Variants in ABCC6 observed in about 807,000 individuals in gnomAD.
The protein encoded by ABCC6 is ATP binding cassette subfamily C member 6.
ABCC6 carries 126 observed loss-of-function variants against 169.5 expected under a neutral mutation model. The ratio of observed to expected loss-of-function variants is 0.74; its 90% CI spans 0.64 to 0.86. ABCC6 has a LOEUF of 0.86. Ranked by LOEUF, ABCC6 falls within the 40% of genes least tolerant of loss-of-function variation. The pLI is 0.00. For synonymous variants in ABCC6, 752 were observed against 814.7 expected (o/e 0.92, Z 1.31); for missense variants, 1,733 against 1,927.2 (o/e 0.90, Z 1.89).
chr16:16,172,745 A>G (rs2047156877), intron 21 of ABCC6, among the ~76,000 whole-genome samples: 1 of 152,118 alleles, frequency 6.6e-6, no homozygotes, highest in Non-Finnish European at 1.5e-5. Context: ...TTAACTGTTT[A>G]AGACTTCAGT....
chr16:16,169,979 C>T, intron 21 of ABCC6, 126 bp from the exon 22 acceptor site: 1 of 995,312 alleles, frequency 1.0e-6, no homozygotes, highest in Non-Finnish European at 1.5e-6. Flanking sequence ...GCAGACCTCA[C>T]TGGTTCTCCC....
chr16:16,170,282 A>T (rs1407209152), intron 21 of ABCC6, among the ~76,000 whole-genome samples: 4 of 151,818 alleles, frequency 2.6e-5, no homozygotes, highest in Admixed American at 1.3e-4. Flanking sequence ...CATAGTTTTA[A>T]AGAGATGGAA....
intron 10 of ABCC6, among the ~76,000 whole-genome samples, chr16:16,194,058 G>GGGGGTTGTTGT (rs1399594117): frequency 6.6e-6 from 1 of 152,204 alleles, no homozygotes; most frequent in Non-Finnish European, 1.5e-5. Context: ...GAGTGGGACT[G>GGGGGTTGTTGT]GGGGGTGTTC....
intron 17 of ABCC6, among the ~76,000 whole-genome samples, chr16:16,180,083 G>A (rs1287676629): frequency 6.6e-6 from 1 of 152,160 alleles, no homozygotes; most frequent in Non-Finnish European, 1.5e-5. Flanking sequence ...GTGCTCCTAT[G>A]AGAATCTAAT....
chr16:16,187,027 C>T, intron 14 of ABCC6, 97 bp downstream of exon 14: 2 of 1,089,942 alleles, frequency 1.8e-6, no homozygotes, highest in South Asian at 1.3e-5. Context: ...CAGCCCCCAT[C>T]TCCCCCCAGT....
intron 11 of ABCC6, among the ~76,000 whole-genome samples, chr16:16,191,887 G>C (rs924754651): frequency 1.4e-4 from 21 of 151,976 alleles, no homozygotes; most frequent in African/African-American, 4.8e-4. Flanking sequence ...GCACTAACTA[G>C]ATGCCGAGTT....
chr16:16,200,928 C>G (rs2048216149), intron 9 of ABCC6, among the ~76,000 whole-genome samples: 1 of 151,776 alleles, frequency 6.6e-6, no homozygotes, highest in East Asian at 1.9e-4. Context: ...AGTCAATGGA[C>G]AGAACTTCCA....
At chr16:16,198,274 A>G in intron 9 of ABCC6, 92 bp from the exon 10 acceptor site, 1 of 1,399,396 alleles carries the variant, frequency 7.1e-7, no homozygotes, top group Non-Finnish European at 9.8e-7. Context: ...GCCCCACCTC[A>G]CACGTCTGCG....
chr16:16,192,952 G>A (rs765926191), intron 10 of ABCC6, 30 bp from the exon 11 acceptor site: 59 of 1,590,918 alleles, frequency 3.7e-5, no homozygotes, highest in Non-Finnish European at 5.1e-5. Flanking sequence ...GATGTCAGGA[G>A]ATCCCGAGGA....
intron 4 of ABCC6, among the ~76,000 whole-genome samples, chr16:16,218,012 C>T (rs905170666): frequency 3.3e-5 from 5 of 152,188 alleles, no homozygotes; most frequent in Admixed American, 1.3e-4. Flanking sequence ...ATCGATTGAA[C>T]CCGGAGGTGG....
At chr16:16,187,364 C>T (rs558483207) in intron 13 of ABCC6, among the ~76,000 whole-genome samples, 153 bp from the exon 14 acceptor site, 2 of 152,326 alleles carry the variant, frequency 1.3e-5, no homozygotes, top group African/African-American at 2.4e-5. Flanking sequence ...TCATGGGAAA[C>T]GATGCAACCC....
intron 4 of ABCC6, among the ~76,000 whole-genome samples, chr16:16,217,718 C>T (rs1205664737): frequency 6.6e-6 from 1 of 152,326 alleles, no homozygotes; most frequent in East Asian, 1.9e-4. Flanking sequence ...CTTATGTCAA[C>T]TGTGGGAGCC....
rs780107077 is a variant in ABCC6 at position 16,163,094 on chromosome 16, T to C, written c.3405A>G (p.Thr1135=). The C allele has an allele frequency of 7.4e-6, 12 of 1,613,768 alleles. No homozygotes were observed. Among genetic ancestry groups the C allele is most frequent in the South Asian group, 5.5e-5 (5 of 91,092 alleles). ...SHMAETFQGS[T]VVRAFRTQAP... is the part of the protein sequence containing the mutation. ...CCTGGGTTCGGAATGCCCGGACCAC[T>C]GTGCTGCCCTGGAACGTCTCAGCCA... The change falls in exon 24 of 31, where the codon ACA becomes ACG. Residue 1135 remains threonine (T), a synonymous_variant. Coordinates refer to ENST00000205557, the MANE Select transcript of ABCC6 (RefSeq NM_001171.6).
intron 10 of ABCC6, 59 bp from the exon 11 acceptor site, chr16:16,192,981 C>T: frequency 1.4e-6 from 2 of 1,457,286 alleles, no homozygotes; most frequent in South Asian, 1.2e-5. Flanking sequence ...CTCAGAGGCA[C>T]GTGAACCAGA....
rs1449312930 is a variant in ABCC6 at position 16,188,882 on chromosome 16, G to A, written c.1728C>T (p.Ile576=). 5 of 1,614,152 alleles carry A rather than the reference G, an allele frequency of 3.1e-6. No homozygotes were observed. The highest frequency in any genetic ancestry group is 2.7e-5 in the African/African-American group (2 of 75,064). ...KAFVTLTVLN[I]LNKAQAFLPF... Reference sequence around the variant, plus strand: ...GCAGGAAAGCCTGGGCCTTGTTGAGGATGTTGAGAACTGTGAGAGTCACAA... The same window carrying A: ...GCAGGAAAGCCTGGGCCTTGTTGAGAATGTTGAGAACTGTGAGAGTCACAA... Residue 576 remains isoleucine (I), a synonymous_variant, in exon 13 of 31, where the codon ATC becomes ATT. Coordinates refer to ENST00000205557, the MANE Select transcript of ABCC6 (RefSeq NM_001171.6).
At chr16:16,169,588 C>A (rs1039166925) in intron 22 of ABCC6, 58 bp downstream of exon 22, 1 of 1,592,088 alleles carries the variant, frequency 6.3e-7, no homozygotes, top group African/African-American at 1.3e-5. Context: ...TAAAGGAGTC[C>A]TGAGCACCCC....
chr16:16,168,309 G>A (rs560067177), intron 22 of ABCC6, among the ~76,000 whole-genome samples: 10 of 152,208 alleles, frequency 6.6e-5, no homozygotes, highest in South Asian at 2.1e-4. Flanking sequence ...TGGGCAACAC[G>A]GCGAAACCGT....
intron 27 of ABCC6, among the ~76,000 whole-genome samples, chr16:16,157,400 A>G (rs904712979): frequency 6.6e-6 from 1 of 152,156 alleles, no homozygotes; most frequent in Non-Finnish European, 1.5e-5. Flanking sequence ...AGCACATATT[A>G]GGTGCTGGGT....
intron 20 of ABCC6, 43 bp from the exon 21 acceptor site, chr16:16,173,447 A>G (rs766607182): frequency 2.5e-6 from 4 of 1,613,774 alleles, no homozygotes; most frequent in Non-Finnish European, 2.5e-6. Flanking sequence ...TATCTCTCCC[A>G]ATGGTGGGGT....
Sources: allele counts gnomAD v4.1 joint callset (sites outside exome capture counted in the v4.1 genomes callset), GRCh38; gene constraint gnomAD v4.1.1; transcripts MANE v1.5; gene names NCBI Gene and HGNC (gene_info 2026-07-23, HGNC 2026-07-21).